The following B3GALT1 variants were observed in gnomAD, a reference collection of about 807,000 sequenced individuals.
The protein encoded by B3GALT1 is UDP-Gal:betaGlcNAc beta 1,3-galactosyltransferase, polypeptide 1.
B3GALT1 carries 10 observed loss-of-function variants against 23.2 expected under a neutral mutation model. The ratio of observed to expected loss-of-function variants is 0.43; its 90% CI spans 0.27 to 0.73. The LOEUF (loss-of-function observed/expected upper bound fraction) is 0.73. B3GALT1 is among the 30% of genes least tolerant of loss of function. B3GALT1 has a pLI of 0.21. For synonymous variants in B3GALT1, 156 were observed against 141.5 expected, an observed-to-expected ratio of 1.10 and a Z score of -0.73; for missense variants, 299 against 405.4, an observed-to-expected ratio of 0.74 and a Z score of 2.25.
intron 1 of B3GALT1, among the ~76,000 whole-genome samples, chr2:167,405,149 A>G (rs1237278653): frequency 2.6e-5 from 4 of 152,154 alleles, no homozygotes; most frequent in African/African-American, 7.2e-5. Flanking sequence ...TAGTTTTTAC[A>G]TAATAAGAAT....
At chr2:167,797,082 G>A (rs1202942371) in intron 3 of B3GALT1, among the ~76,000 whole-genome samples, 1 of 152,076 alleles carries the variant, frequency 6.6e-6, no homozygotes, top group Non-Finnish European at 1.5e-5. Context: ...CATCACCTAG[G>A]TATTAAGCCC....
intron 3 of B3GALT1, among the ~76,000 whole-genome samples, chr2:167,779,904 G>A (rs1183070542): frequency 6.6e-6 from 1 of 152,158 alleles, no homozygotes; most frequent in East Asian, 1.9e-4. Context: ...TACCACATAT[G>A]CAGTCTCTTC....
rs568476134 is a variant in B3GALT1 at position 167,867,141 on chromosome 2, T to C, written c.-229-1670T>C. 1.6e-4 allele frequency among the ~76,000 whole-genome samples: 25 copies of C among 152,278 alleles called. No individual in the cohort carries two copies. In the East Asian group the frequency reaches 1.9e-3, roughly 12 times the overall value. On this transcript the variant is annotated intron_variant, in intron 4 of 4. Transcript: ENST00000392690. The stretch of plus-strand genomic sequence containing the variant: ...CGGGGTTTCACCGTTTTAGCCAGGA[T>C]GGTCTCGATCTCCTGACCTCGTGAT...
At chr2:167,430,483 A>G (rs1005946693) in intron 1 of B3GALT1, among the ~76,000 whole-genome samples, 1 of 152,190 alleles carries the variant, frequency 6.6e-6, no homozygotes, top group Non-Finnish European at 1.5e-5. Context: ...AGAAGAGTCA[A>G]AGGAAATCAA....
chr2:167,706,418 T>C (rs1435583508), intron 3 of B3GALT1, among the ~76,000 whole-genome samples: 1 of 152,236 alleles, frequency 6.6e-6, no homozygotes, highest in Non-Finnish European at 1.5e-5. Context: ...TAGACTCTAC[T>C]TGCATAAGAC....
intron 4 of B3GALT1, among the ~76,000 whole-genome samples, chr2:167,826,660 A>G (rs1349188433): frequency 6.6e-6 from 1 of 152,224 alleles, no homozygotes; most frequent in African/African-American, 2.4e-5. Flanking sequence ...TTTATGGCAC[A>G]TATGAATCAG....
chr2:167,618,240 A>C (rs768757887), intron 2 of B3GALT1, among the ~76,000 whole-genome samples: 4 of 152,054 alleles, frequency 2.6e-5, no homozygotes, highest in Non-Finnish European at 5.9e-5. Flanking sequence ...CTAATACAAA[A>C]TTTCTGAGAA....
chr2:167,356,836 AAAT>A (rs1396890842), intron 1 of B3GALT1, among the ~76,000 whole-genome samples: 4 of 152,006 alleles, frequency 2.6e-5, no homozygotes, highest in Admixed American at 6.6e-5. Flanking sequence ...GTTAGTTTCC[AAAT>A]AATAATTGAG....
rs1574312638 is a variant in B3GALT1, at chr2:167,870,087, T to C, written c.*67T>C. The C allele has an allele frequency of 6.8e-7, 1 of 1,459,960 alleles. No homozygotes were observed. The highest frequency in any genetic ancestry group is 2.3e-5 in the East Asian group (1 of 43,376). The allele number at this position is 1,459,960 out of a possible 1,614,324, so 90.4% of individuals were successfully genotyped here. ...AAATGGGACCTAAGGTGTTGGTATT[T>C]TCCAGGTGTCGGGGGAAATGAACTG... is the stretch of plus-strand genomic sequence containing the variant. On this transcript the variant is annotated 3_prime_UTR_variant, in exon 5 of 5. Transcript: ENST00000392690.
At chr2:167,822,996 C>T (rs1403449188) in intron 4 of B3GALT1, among the ~76,000 whole-genome samples, 1 of 152,174 alleles carries the variant, frequency 6.6e-6, no homozygotes, top group Non-Finnish European at 1.5e-5. Flanking sequence ...TAATAAATTT[C>T]TAGCAATGCA....
intron 1 of B3GALT1, among the ~76,000 whole-genome samples, chr2:167,427,530 TGTA>T (rs1698642041): frequency 6.6e-6 from 1 of 152,182 alleles, no homozygotes. Flanking sequence ...GATACTTTCA[TGTA>T]GTCTTTATGT....
intron 2 of B3GALT1, among the ~76,000 whole-genome samples, chr2:167,603,891 TTC>T (rs1405863228): frequency 6.6e-6 from 1 of 151,874 alleles, no homozygotes; most frequent in Non-Finnish European, 1.5e-5. Context: ...AAAGAAAAAG[TTC>T]TTTTTTTTTT....
intron 3 of B3GALT1, among the ~76,000 whole-genome samples, chr2:167,774,729 C>T (rs1688132804): frequency 6.6e-6 from 1 of 151,890 alleles, no homozygotes; most frequent in Non-Finnish European, 1.5e-5. Flanking sequence ...AACTCCTGAC[C>T]TCATGATCCA....
rs542242602 is a variant in B3GALT1 at position 167,844,538 on chromosome 2, C to G, written c.-229-24273C>G. ...CTTCAGACCTTACCTGGAGCAGAGTCAATTTAGAGAGCCTAGCGAAATACA... is the reference window on the plus strand; with the variant it reads ...CTTCAGACCTTACCTGGAGCAGAGTGAATTTAGAGAGCCTAGCGAAATACA... On this transcript the variant is annotated intron_variant, in intron 4 of 4. Coordinates refer to ENST00000392690, the MANE Select transcript of B3GALT1 (RefSeq NM_020981.4). Among the ~76,000 whole-genome samples the G allele has an allele frequency of 2.6e-5, 4 of 152,264 alleles. No homozygotes were observed. In the East Asian group the frequency reaches 7.7e-4, roughly 29 times the overall value.
intron 3 of B3GALT1, among the ~76,000 whole-genome samples, chr2:167,665,143 A>G (rs1277207309): frequency 2.0e-5 from 3 of 151,464 alleles, no homozygotes; most frequent in African/African-American, 7.3e-5. Flanking sequence ...TCCCATCAAT[A>G]CCTAATTTAT....
At chr2:167,443,196 G>A (rs1321310713) in intron 1 of B3GALT1, among the ~76,000 whole-genome samples, 46 of 151,568 alleles carry the variant, frequency 3.0e-4, no homozygotes, top group African/African-American at 8.7e-4. Context: ...GATATGCGGC[G>A]TTATTTCTGA....
At chr2:167,313,847 T>A (rs1559063004) in intron 1 of B3GALT1, among the ~76,000 whole-genome samples, 1 of 152,158 alleles carries the variant, frequency 6.6e-6, no homozygotes, top group Non-Finnish European at 1.5e-5. Context: ...TTAGGTTTTC[T>A]TTTACCATTA....
intron 3 of B3GALT1, among the ~76,000 whole-genome samples, chr2:167,792,225 A>C (rs992220893): frequency 2.0e-5 from 3 of 152,214 alleles, no homozygotes; most frequent in African/African-American, 7.2e-5. Flanking sequence ...CTCTTGAGCT[A>C]AAATTTCCCA....
chr2:167,608,513 G>A (rs1685006301), intron 2 of B3GALT1, among the ~76,000 whole-genome samples: 2 of 152,042 alleles, frequency 1.3e-5, no homozygotes, highest in East Asian at 1.9e-4. Flanking sequence ...GTGTGAGTGT[G>A]TGTGGTGTGT....
Sources: allele counts gnomAD v4.1 joint callset (sites outside exome capture counted in the v4.1 genomes callset), GRCh38; gene constraint gnomAD v4.1.1; transcripts MANE v1.5; gene names NCBI Gene and HGNC (gene_info 2026-07-23, HGNC 2026-07-21).